Variants in SLC25A48 observed in about 807,000 individuals in gnomAD.
SLC25A48 encodes the protein solute carrier family 25 member 48, also known as CTC-321K16.1.
A neutral mutation model predicts 32.2 loss-of-function variants in SLC25A48; 29 were observed. The ratio of observed to expected loss-of-function variants is 0.90; its 90% CI spans 0.67 to 1.23. The LOEUF (loss-of-function observed/expected upper bound fraction) is 1.23, where lower values mean the gene tolerates loss of function less well. Among genes scored for constraint, SLC25A48 ranks in the 50% most tolerant of loss-of-function variants. The probability of loss-of-function intolerance (pLI) is 0.00; values close to 1 mark genes in which losing one functional copy is unlikely to be tolerated. For missense variants in SLC25A48, 399 were observed against 422.7 expected, an observed-to-expected ratio of 0.94 and a Z score of 0.49; for synonymous variants, 164 against 172.3, an observed-to-expected ratio of 0.95 and a Z score of 0.38.
At chr5:135,744,974 G>A (rs139841076) in intron 3 of SLC25A48, among the ~76,000 whole-genome samples, 1,545 of 152,234 alleles carry the variant, frequency 0.01, 34 homozygotes, top group African/African-American at 0.035. Context: ...ACCAGGAGGC[G>A]GAGGTTGCAG....
chr5:135,740,064 A>G (rs1330055026), intron 3 of SLC25A48, among the ~76,000 whole-genome samples: 3 of 152,230 alleles, frequency 2.0e-5, no homozygotes, highest in African/African-American at 7.2e-5. Flanking sequence ...ACAATCTGAG[A>G]AAGCAGATTT....
intron 7 of SLC25A48, chr5:135,883,579 T>C (rs540900388): frequency 2.0e-5 from 14 of 699,516 alleles, no homozygotes; most frequent in African/African-American, 1.9e-5. Context: ...TCCACACAGG[T>C]GAGGAGAGAA....
At chr5:135,835,016 G>C in intron 1 of SLC25A48, 123 bp downstream of exon 1, 1 of 1,238,838 alleles carries the variant, frequency 8.1e-7, no homozygotes, top group South Asian at 1.3e-5. Flanking sequence ...CGCGCAGCCT[G>C]CTTTGGGGAG....
intron 3 of SLC25A48, among the ~76,000 whole-genome samples, chr5:135,637,792 C>T (rs974068366): frequency 4.6e-5 from 7 of 152,164 alleles, no homozygotes; most frequent in South Asian, 2.1e-4. Flanking sequence ...TAATTGGAGA[C>T]TCTACTGACT....
At chr5:135,693,795 C>T (rs144184935) in intron 3 of SLC25A48, among the ~76,000 whole-genome samples, 2,348 of 152,284 alleles carry the variant, frequency 0.015, 37 homozygotes, top group Non-Finnish European at 0.024. Flanking sequence ...GAAGGGCTGT[C>T]GGGGAGCAAC....
In SLC25A48 at chr5:135,678,283, T is replaced by C. The variant is rs561775063; in HGVS notation, c.-521+43327T>C. Among the ~76,000 whole-genome samples, 3 of 152,318 alleles carry C rather than the reference T, an allele frequency of 2.0e-5. No homozygotes were observed. The South Asian group carries it at 6.2e-4, about 32-fold the overall frequency. On this transcript the variant is annotated intron_variant, in intron 3 of 10. Coordinates refer to the SLC25A48 transcript ENST00000646290. The stretch of plus-strand genomic sequence containing the variant: ...AGATCTGTCTTCAAGTTCTGAAATG[T>C]TTTTATTCTGATTAATCTAGTCTAT...
chr5:135,775,054 A>G (rs10463933), intron 3 of SLC25A48, among the ~76,000 whole-genome samples: 1 of 151,598 alleles, frequency 6.6e-6, no homozygotes, highest in Non-Finnish European at 1.5e-5. Flanking sequence ...CACACACCCT[A>G]TGATACTGTT....
At chr5:135,656,705 C>T (rs1272469117) in intron 3 of SLC25A48, among the ~76,000 whole-genome samples, 1 of 152,044 alleles carries the variant, frequency 6.6e-6, no homozygotes, top group Non-Finnish European at 1.5e-5. Flanking sequence ...TTCTGGTTTC[C>T]TTATCAGAAG....
intron 3 of SLC25A48, among the ~76,000 whole-genome samples, chr5:135,749,883 C>T (rs1317186579): frequency 4.6e-5 from 7 of 152,126 alleles, no homozygotes; most frequent in African/African-American, 1.4e-4. Flanking sequence ...TGAGCCACCT[C>T]GCCGGCCAGG....
intron 3 of SLC25A48, among the ~76,000 whole-genome samples, chr5:135,707,045 G>T (rs1267380908): frequency 3.9e-5 from 6 of 152,202 alleles, no homozygotes; most frequent in Admixed American, 3.9e-4. Flanking sequence ...CTTTGAGAGG[G>T]GGCACTTCCA....
intron 3 of SLC25A48, among the ~76,000 whole-genome samples, chr5:135,643,491 A>G (rs1752887582): frequency 1.3e-5 from 2 of 152,192 alleles, no homozygotes; most frequent in Non-Finnish European, 2.9e-5. Context: ...ACAGAAGAGC[A>G]TCTCCCATCT....
intron 3 of SLC25A48, among the ~76,000 whole-genome samples, chr5:135,775,351 C>A (rs11960303): frequency 0.3 from 45,917 of 151,448 alleles, 7,109 homozygotes; most frequent in East Asian, 0.46. Flanking sequence ...TAGGTACACC[C>A]CTTCTGTGAT....
chr5:135,668,698 C>G (rs1035771405), intron 3 of SLC25A48, among the ~76,000 whole-genome samples: 15 of 152,158 alleles, frequency 9.9e-5, no homozygotes, highest in African/African-American at 3.6e-4. Context: ...GACCTATGGA[C>G]TTGCACAAAG....
chr5:135,787,073 TG>T (rs1212231598), intron 3 of SLC25A48, among the ~76,000 whole-genome samples: 1 of 152,110 alleles, frequency 6.6e-6, no homozygotes, highest in Non-Finnish European at 1.5e-5. Flanking sequence ...GTTCACCCTG[TG>T]GTATTATTCG....
intron 1 of SLC25A48, among the ~76,000 whole-genome samples, chr5:135,611,472 C>T (rs533908789): frequency 2.9e-3 from 306 of 104,946 alleles, no homozygotes; most frequent in African/African-American, 7.1e-3. Context: ...ACTCCAGACT[C>T]GGTGACAGAG....
chr5:135,705,198 C>A (rs1001912920), intron 3 of SLC25A48, among the ~76,000 whole-genome samples: 29 of 151,004 alleles, frequency 1.9e-4, no homozygotes, highest in Admixed American at 1.2e-3. Context: ...TCCATTCAGG[C>A]CTGCATTTTT....
intron 7 of SLC25A48, among the ~76,000 whole-genome samples, chr5:135,880,355 G>A (rs1176439187): frequency 3.9e-5 from 6 of 151,960 alleles, no homozygotes; most frequent in East Asian, 1.9e-4. Context: ...TCGCCTCTCC[G>A]TTTCCCCTTC....
At chr5:135,765,857 G>C (rs1039673430) in intron 3 of SLC25A48, among the ~76,000 whole-genome samples, 1 of 150,456 alleles carries the variant, frequency 6.6e-6, no homozygotes. Context: ...AGGAGAGGGG[G>C]ATACTATTCC....
intron 3 of SLC25A48, among the ~76,000 whole-genome samples, chr5:135,648,431 A>G (rs558234216): frequency 4.6e-5 from 7 of 152,330 alleles, no homozygotes; most frequent in Admixed American, 2.0e-4. Flanking sequence ...TTGAAACCTC[A>G]AATCAGTTTG....
Sources: allele counts gnomAD v4.1 joint callset (sites outside exome capture counted in the v4.1 genomes callset), GRCh38; gene constraint gnomAD v4.1.1; transcripts MANE v1.5; gene names NCBI Gene and HGNC (gene_info 2026-07-23, HGNC 2026-07-21).